Variants in RAPGEF2 observed in about 807,000 individuals in gnomAD.
RAPGEF2 encodes the protein Rap guanine nucleotide exchange factor 2, also known as PDZ domain containing guanine nucleotide exchange factor (GEF) 1.
In RAPGEF2, 54 loss-of-function variants were observed where a neutral mutation model predicts 186.7. The observed-to-expected ratio is 0.29, with a 90% CI of 0.23 to 0.36. The LOEUF is 0.36. Among genes scored for constraint, RAPGEF2 ranks in the 10% least tolerant of loss-of-function variants. The probability of loss-of-function intolerance (pLI) is 1.00; values close to 1 mark genes in which losing one functional copy is unlikely to be tolerated. For missense variants in RAPGEF2, 1,532 were observed against 2,045.0 expected (o/e 0.75, Z 4.84); for synonymous variants, 712 against 705.9 (o/e 1.01, Z -0.14).
intron 9 of RAPGEF2, among the ~76,000 whole-genome samples, chr4:159,320,356 A>G (rs1765091911): frequency 6.6e-6 from 1 of 152,220 alleles, no homozygotes; most frequent in South Asian, 2.1e-4. Flanking sequence ...CCAGGAATAA[A>G]TACATTTTAT....
intron 17 of RAPGEF2, among the ~76,000 whole-genome samples, chr4:159,333,141 G>A (rs961352937): frequency 2.0e-5 from 3 of 151,748 alleles, no homozygotes; most frequent in South Asian, 2.1e-4. Context: ...CACTGCACCC[G>A]GCTAATTTTT....
chr4:159,244,801 C>A (rs760909382), intron 7 of RAPGEF2, among the ~76,000 whole-genome samples: 2 of 151,744 alleles, frequency 1.3e-5, no homozygotes, highest in African/African-American at 2.4e-5. Context: ...CAAGAGAGTA[C>A]GTATTAGAAT....
rs187674541 is a variant in RAPGEF2 at position 159,333,891 on chromosome 4, T to A, written c.2135+1194T>A. Among the ~76,000 whole-genome samples the A allele has an allele frequency of 3.7e-3, 567 of 152,352 alleles. 5 individuals are homozygous for A. The highest frequency in any genetic ancestry group is 0.013 in the African/African-American group (538 of 41,580). ...ATATCAAACACTTCTTTTTCTTTTTTAAAAAAATTCCGTTTCAGATCTTTT... is the reference window on the plus strand; with the variant it reads ...ATATCAAACACTTCTTTTTCTTTTTAAAAAAAATTCCGTTTCAGATCTTTT... On this transcript the variant is annotated intron_variant, in intron 17 of 29. Coordinates refer to ENST00000691494, the MANE Select transcript of RAPGEF2 (RefSeq NM_001394067.2).
intron 7 of RAPGEF2, among the ~76,000 whole-genome samples, chr4:159,265,104 T>A (rs966356825): frequency 6.6e-6 from 1 of 152,140 alleles, no homozygotes; most frequent in Non-Finnish European, 1.5e-5. Flanking sequence ...CAGAAACTAG[T>A]CTAGAGGATT....
At chr4:159,296,732 A>G (rs1579818620) in intron 7 of RAPGEF2, among the ~76,000 whole-genome samples, 1 of 152,180 alleles carries the variant, frequency 6.6e-6, no homozygotes, top group Admixed American at 6.5e-5. Context: ...TAATTTTGTT[A>G]TCTTTGGAAA....
At chr4:159,257,089 G>A (rs1371178808) in intron 7 of RAPGEF2, among the ~76,000 whole-genome samples, 4 of 151,772 alleles carry the variant, frequency 2.6e-5, no homozygotes, top group African/African-American at 7.3e-5. Flanking sequence ...CAATGCTTTC[G>A]GTGTTTTTGT....
chr4:159,303,014 C>A (rs1360254207), intron 7 of RAPGEF2, among the ~76,000 whole-genome samples: 1 of 152,104 alleles, frequency 6.6e-6, no homozygotes, highest in Non-Finnish European at 1.5e-5. Flanking sequence ...ATGTTTAAAT[C>A]TCCCCTTTGT....
chr4:159,319,618 C>A (rs1448075905), intron 9 of RAPGEF2, among the ~76,000 whole-genome samples: 1 of 152,046 alleles, frequency 6.6e-6, no homozygotes. Flanking sequence ...TCCTTGAAAT[C>A]TTAAAATGAA....
chr4:159,319,496 A>T (rs994976113), intron 9 of RAPGEF2, among the ~76,000 whole-genome samples: 1 of 151,690 alleles, frequency 6.6e-6, no homozygotes. Flanking sequence ...GACTGCTGCC[A>T]TATATATATA....
At chr4:159,123,254 T>C (rs1003126349) in intron 1 of RAPGEF2, among the ~76,000 whole-genome samples, 1 of 152,232 alleles carries the variant, frequency 6.6e-6, no homozygotes, top group Non-Finnish European at 1.5e-5. Context: ...GTTACCTACT[T>C]CATGGATTAA....
chr4:159,309,142 A>G (rs1272551405), intron 8 of RAPGEF2, among the ~76,000 whole-genome samples: 1 of 152,188 alleles, frequency 6.6e-6, no homozygotes, highest in Non-Finnish European at 1.5e-5. Flanking sequence ...TTCTAACTGC[A>G]GATCATAGCT....
chr4:159,153,129 C>G (rs1561018199), intron 1 of RAPGEF2, among the ~76,000 whole-genome samples: 1 of 152,194 alleles, frequency 6.6e-6, no homozygotes, highest in Non-Finnish European at 1.5e-5. Context: ...CTTCATTACA[C>G]TAGTAGCCTT....
intron 7 of RAPGEF2, among the ~76,000 whole-genome samples, chr4:159,281,671 C>CAAAAAAAAAA (rs11346544): frequency 1.2e-5 from 1 of 85,194 alleles, no homozygotes; most frequent in African/African-American, 5.1e-5. Flanking sequence ...AACTTGATTT[C>CAAAAAAAAAA]AAAAAAAAAA....
intron 4 of RAPGEF2, among the ~76,000 whole-genome samples, chr4:159,220,090 G>A (rs1751391214): frequency 6.6e-6 from 1 of 152,202 alleles, no homozygotes; most frequent in African/African-American, 2.4e-5. Flanking sequence ...TGACCTAACA[G>A]GACTAGTGTT....
chr4:159,199,489 C>G (rs866877400), intron 3 of RAPGEF2, among the ~76,000 whole-genome samples: 1 of 150,012 alleles, frequency 6.7e-6, no homozygotes, highest in Non-Finnish European at 1.5e-5. Context: ...TTTCAATTCT[C>G]TATTCAAAAG....
At chr4:159,202,097 C>T (rs1023302814) in intron 3 of RAPGEF2, among the ~76,000 whole-genome samples, 1 of 152,176 alleles carries the variant, frequency 6.6e-6, no homozygotes, top group African/African-American at 2.4e-5. Context: ...ATAGCTGTGT[C>T]GTGTGCTCGG....
At position 159,223,604 on chromosome 4, in the gene RAPGEF2, G is replaced by A. The variant is rs181558545; in HGVS notation, c.281+13021G>A. On this transcript the variant is annotated intron_variant, in intron 4 of 29. Coordinates refer to ENST00000691494, the MANE Select transcript of RAPGEF2 (RefSeq NM_001394067.2). ...CAGACTTAATTCAGTTTTACACACA[G>A]AAAAACCTCAAGTTAAGAAATTCCA... Among the ~76,000 whole-genome samples, 246 of 152,240 alleles carry A rather than the reference G, an allele frequency of 1.6e-3. 1 individual carries two copies. The highest frequency in any genetic ancestry group is 5.0e-3 in the African/African-American group (209 of 41,524).
At chr4:159,244,300 G>A (rs759924132) in intron 7 of RAPGEF2, among the ~76,000 whole-genome samples, 10 of 151,692 alleles carry the variant, frequency 6.6e-5, no homozygotes, top group Non-Finnish European at 1.2e-4. Flanking sequence ...TGGTCAAAAA[G>A]GAAACAAAGT....
chr4:159,306,779 T>A (rs1392906389), intron 8 of RAPGEF2, among the ~76,000 whole-genome samples: 2 of 152,176 alleles, frequency 1.3e-5, no homozygotes, highest in Admixed American at 6.5e-5. Context: ...CAAGTTTTTC[T>A]TATTAAAGTC....
Sources: allele counts gnomAD v4.1 joint callset (sites outside exome capture counted in the v4.1 genomes callset), GRCh38; gene constraint gnomAD v4.1.1; transcripts MANE v1.5; gene names NCBI Gene and HGNC (gene_info 2026-07-23, HGNC 2026-07-21).